Variants in EPG5 observed in about 807,000 individuals in gnomAD.
EPG5 encodes the protein ectopic P granules protein 5 homolog.
EPG5 carries 159 observed loss-of-function variants against 302.7 expected under a neutral mutation model. The ratio of observed to expected loss-of-function variants is 0.53; its 90% CI spans 0.46 to 0.60. EPG5 has a LOEUF of 0.60. Ranked by LOEUF, EPG5 falls within the 20% of genes least tolerant of loss-of-function variation. EPG5 has a pLI of 0.00. For missense variants in EPG5, 2,896 were observed against 3,092.4 expected (o/e 0.94, Z 1.51); for synonymous variants, 1,158 against 1,136.8 (o/e 1.02, Z -0.37).
intron 39 of EPG5, among the ~76,000 whole-genome samples, chr18:45,864,958 C>T (rs2048714860): frequency 6.6e-6 from 1 of 152,180 alleles, no homozygotes; most frequent in African/African-American, 2.4e-5. Context: ...AAATGTCACC[C>T]TGTGGATTAT....
At chr18:45,804,945 G>T in the EPG5 span, among the ~76,000 whole-genome samples, 1 of 152,116 alleles carries the variant, frequency 6.6e-6, no homozygotes, top group African/African-American at 2.4e-5. Context: ...AATGCTGGGG[G>T]CAGGTATAAG....
At chr18:45,825,876 G>C in the EPG5 span, 1 of 1,459,922 alleles carries the variant, frequency 6.8e-7, no homozygotes, top group African/African-American at 1.4e-5. Flanking sequence ...GGAAGCAGGT[G>C]TGCAGAGCCT....
chr18:45,807,703 C>T, the EPG5 span, among the ~76,000 whole-genome samples: 1 of 152,110 alleles, frequency 6.6e-6, no homozygotes, highest in Non-Finnish European at 1.5e-5. Flanking sequence ...CAAGGGAACA[C>T]CCTGTGGGAC....
intron 8 of EPG5, 98 bp downstream of exon 8, chr18:45,943,907 C>G: frequency 2.6e-6 from 2 of 766,998 alleles, no homozygotes; most frequent in South Asian, 1.6e-5. Context: ...GGCGACACAG[C>G]AAGACTCCAT....
At chr18:45,864,337 G>A (rs9675674) in intron 39 of EPG5, among the ~76,000 whole-genome samples, 2 of 151,842 alleles carry the variant, frequency 1.3e-5, no homozygotes, top group African/African-American at 4.8e-5. Context: ...CTCTTCGGAT[G>A]GGTTTAATCT....
chr18:45,935,458 C>T (rs1380472170), intron 10 of EPG5, among the ~76,000 whole-genome samples: 4 of 152,178 alleles, frequency 2.6e-5, no homozygotes, highest in Non-Finnish European at 5.9e-5. Flanking sequence ...AGGAGAATCA[C>T]TTGAACCCAG....
chr18:45,935,741 G>T (rs1254002380), intron 10 of EPG5, among the ~76,000 whole-genome samples: 1 of 152,110 alleles, frequency 6.6e-6, no homozygotes, highest in African/African-American at 2.4e-5. Context: ...AATCCATCCA[G>T]TACTCCTCTC....
At chr18:45,952,739 T>C (rs1305757103) in intron 2 of EPG5, 96 bp from the exon 3 acceptor site, 1 of 1,276,192 alleles carries the variant, frequency 7.8e-7, no homozygotes, top group Admixed American at 2.0e-5. Context: ...TTCAGTACCA[T>C]CTTCAAAGAG....
In EPG5 at chr18:45,865,267, G is replaced by A. The variant is rs117211986; in HGVS notation, c.6766+348C>T. Among the ~76,000 whole-genome samples the A allele has an allele frequency of 3.0e-3, 463 of 152,328 alleles. 5 individuals are homozygous for A. Among genetic ancestry groups the A allele is most frequent in the South Asian group, 0.026 (128 of 4,834 alleles). Reference sequence around the variant, plus strand: ...TCCACCAAACTGCTGGGAGCAGAAGGTTCTCCAGACACAGTTTCTTGACAA... The same window carrying A: ...TCCACCAAACTGCTGGGAGCAGAAGATTCTCCAGACACAGTTTCTTGACAA... On this transcript the variant is annotated intron_variant, in intron 39 of 43. Coordinates refer to ENST00000282041, the MANE Select transcript of EPG5 (RefSeq NM_020964.3).
chr18:45,918,042 A>G (rs572977975), intron 16 of EPG5, among the ~76,000 whole-genome samples: 10 of 152,350 alleles, frequency 6.6e-5, no homozygotes, highest in African/African-American at 2.4e-4. Context: ...AAGGTGAAGT[A>G]TCATGCCCAA....
At chr18:45,878,129 T>C (rs1253352842) in intron 34 of EPG5, among the ~76,000 whole-genome samples, 5 of 152,334 alleles carry the variant, frequency 3.3e-5, no homozygotes, top group South Asian at 2.1e-4. Context: ...CCTCTTATTG[T>C]GGAAAACTGG....
chr18:45,825,873 GGTGTGCAGAGCCTCCAGGCCT>G, the EPG5 span: 1 of 1,478,698 alleles, frequency 6.8e-7, no homozygotes, highest in Non-Finnish European at 9.4e-7. Flanking sequence ...GCAGGAAGCA[GGTGTGCAGAGCCTCCAGGCCT>G]GTGGAGGAGG....
intron 27 of EPG5, among the ~76,000 whole-genome samples, chr18:45,897,512 G>A (rs1371229993): frequency 6.6e-6 from 1 of 152,046 alleles, no homozygotes; most frequent in Admixed American, 6.5e-5. Context: ...ACTTCAGCAA[G>A]CGATCTTTTC....
In EPG5 at chr18:45,852,866, A is replaced by G. The variant is rs533668069; in HGVS notation, c.7558-217T>C. ...CCCAAGCCTCTGTGGCCTTTGCAGCATCCCACACCCAGCCTTCCCTGTTTC... is the reference window on the plus strand; with the variant it reads ...CCCAAGCCTCTGTGGCCTTTGCAGCGTCCCACACCCAGCCTTCCCTGTTTC... On this transcript the variant is annotated intron_variant, in intron 43 of 43. Coordinates refer to ENST00000282041, the MANE Select transcript of EPG5 (RefSeq NM_020964.3). Among the ~76,000 whole-genome samples the G allele has an allele frequency of 2.0e-5, 3 of 152,314 alleles. No homozygotes were observed. The South Asian group carries it at 6.2e-4, about 32-fold the overall frequency.
chr18:45,841,929 C>T, the EPG5 span, among the ~76,000 whole-genome samples: 1 of 152,112 alleles, frequency 6.6e-6, no homozygotes, highest in Non-Finnish European at 1.5e-5. Flanking sequence ...TTTGGGGGCC[C>T]CTCCCTATTC....
intron 9 of EPG5, among the ~76,000 whole-genome samples, chr18:45,941,181 C>A (rs1017798359): frequency 6.6e-6 from 1 of 152,122 alleles, no homozygotes; most frequent in Admixed American, 6.5e-5. Context: ...ACCAAGGAGG[C>A]AGAAAAGGGA....
At chr18:45,884,489 G>C in intron 30 of EPG5, 128 bp downstream of exon 30, 2 of 756,472 alleles carry the variant, frequency 2.6e-6, no homozygotes, top group South Asian at 3.9e-5. Flanking sequence ...TGCAAACTGT[G>C]AAAAAGGCCT....
chr18:45,943,175 A>G lies in EPG5; in HGVS notation c.1929T>C (p.Ile643=), dbSNP rs193037515. 11 of 1,614,164 alleles carry G rather than the reference A, an allele frequency of 6.8e-6. No homozygotes were observed. ...RARYRQFVKR[I]GYMIRMTLGY... ...AGCAGTATTACCTGATCATATAACCAATTCGCTTCACAAACTGCCTATAGC... is the reference window on the plus strand; with the variant it reads ...AGCAGTATTACCTGATCATATAACCGATTCGCTTCACAAACTGCCTATAGC... The change falls in exon 9 of 44, where the codon ATT becomes ATC. Residue 643 remains isoleucine, a synonymous_variant. Coordinates refer to ENST00000282041, the MANE Select transcript of EPG5 (RefSeq NM_020964.3).
the EPG5 span, among the ~76,000 whole-genome samples, chr18:45,833,625 T>C: frequency 1.3e-5 from 2 of 152,204 alleles, no homozygotes; most frequent in Non-Finnish European, 2.9e-5. Context: ...TTGTGCATTT[T>C]AAATGAGATG....
Sources: allele counts gnomAD v4.1 joint callset (sites outside exome capture counted in the v4.1 genomes callset), GRCh38; gene constraint gnomAD v4.1.1; transcripts MANE v1.5; gene names NCBI Gene and HGNC (gene_info 2026-07-23, HGNC 2026-07-21).